ZAN: variants seen among roughly 807,000 people sequenced by gnomAD.
ZAN encodes the protein zonadhesin.
A neutral mutation model predicts 286.2 loss-of-function variants in ZAN; 260 were observed. The observed-to-expected ratio is 0.91, with a 90% CI of 0.82 to 1.01. The LOEUF (loss-of-function observed/expected upper bound fraction) is 1.01. Ranked by LOEUF, ZAN falls within the 50% of genes least tolerant of loss-of-function variation. The probability of loss-of-function intolerance (pLI) is 0.00; values close to 1 mark genes in which losing one functional copy is unlikely to be tolerated. For missense variants in ZAN, 3,410 were observed against 3,639.2 expected (o/e 0.94, Z 1.62); for synonymous variants, 1,368 against 1,417.5 (o/e 0.97, Z 0.79).
At chr7:100,788,658 G>A (rs1447792446) in intron 38 of ZAN, among the ~76,000 whole-genome samples, 1 of 152,106 alleles carries the variant, frequency 6.6e-6, no homozygotes, top group African/African-American at 2.4e-5. Flanking sequence ...GGTGTGTGAA[G>A]GTCAATCCTG....
chr7:100,775,430 GCCACCCCGCCATGGC>G lies in ZAN; in HGVS notation c.5884_5898del (p.His1962_Ala1966del). 6.2e-7 allele frequency: 1 copy of G among 1,613,944 alleles called. No individual in the cohort carries two copies. The highest frequency in any genetic ancestry group is 8.5e-7 in the Non-Finnish European group (1 of 1,179,888). On this transcript the variant is annotated inframe_deletion, in exon 32 of 48. Transcript: ENST00000613979. ...TGCACTCTTGTCCTGGTGAAAGTGT[GCCACCCCGCCATGGC>G]CTTGCCCTTCTTCAAGATCAGTGCC...
intron 40 of ZAN, 77 bp downstream of exon 40, chr7:100,791,190 C>T: frequency 4.0e-6 from 6 of 1,507,752 alleles, no homozygotes; most frequent in Non-Finnish European, 5.3e-6. Context: ...CCCTCCTGTC[C>T]TCAGGAGAGG....
At chr7:100,765,247 G>C (rs768903831) in intron 22 of ZAN, 105 bp from the exon 23 acceptor site, 1 of 1,286,518 alleles carries the variant, frequency 7.8e-7, no homozygotes, top group Non-Finnish European at 1.1e-6. Flanking sequence ...CTCGAGATTG[G>C]CCAGAAGCCT....
At chr7:100,766,923 A>T in intron 24 of ZAN, 87 bp from the exon 25 acceptor site, 1 of 1,571,554 alleles carries the variant, frequency 6.4e-7, no homozygotes, top group South Asian at 1.2e-5. Context: ...GACCATGCCA[A>T]TGTGGGCTCT....
At chr7:100,791,219 G>A (rs1010969419) in intron 40 of ZAN, 106 bp downstream of exon 40, 1 of 1,394,716 alleles carries the variant, frequency 7.2e-7, no homozygotes, top group Admixed American at 2.2e-5. Flanking sequence ...CCAGGGAGAG[G>A]GTGCAGATAG....
At chr7:100,757,440 G>C (rs1809223092) in intron 15 of ZAN, among the ~76,000 whole-genome samples, 1 of 152,132 alleles carries the variant, frequency 6.6e-6, no homozygotes, top group Non-Finnish European at 1.5e-5. Flanking sequence ...AGCACTCATG[G>C]GAGGGCTAAG....
Position 100,752,173 on chromosome 7 carries a change from A to G in ZAN, c.2068A>G (p.Ser690Gly). The change falls in exon 14 of 48, where the codon AGC (serine) becomes GGC (glycine). Residue 690 changes from serine (S) to glycine (G), a missense_variant. Coordinates refer to ENST00000613979, the MANE Select transcript of ZAN (RefSeq NM_003386.3). ...ACCCAGCATCCCTACAGAAAAACCC[A>G]GCATCCCCACGGAAAAACCCACCAT... ...EKPSIPTEKP[S>G]IPTEKPTISM... 6.2e-7 allele frequency: 1 copy of G among 1,612,220 alleles called. No individual in the cohort carries two copies.
rs1420160102 is a variant in ZAN at position 100,751,173 on chromosome 7, C to T, written c.1522-9C>T. 9 of 1,592,188 alleles carry T rather than the reference C, an allele frequency of 5.7e-6. No individual in the cohort carries two copies. The highest frequency in any genetic ancestry group is 3.7e-5 in the Admixed American group (2 of 54,656). On this transcript the variant is annotated splice_polypyrimidine_tract_variant and intron_variant, in intron 12 of 47. Transcript: ENST00000613979. ...TTCTCTCTCCGTCTCTCTCCCTTGT[C>T]GCCTTTAGCTTATTTTCAAGGGCAT...
intron 39 of ZAN, 136 bp from the exon 40 acceptor site, chr7:100,790,806 C>A: frequency 1.0e-6 from 1 of 952,840 alleles, no homozygotes; most frequent in Non-Finnish European, 1.5e-6. Flanking sequence ...TTGCTTGAAA[C>A]CAGGAGGCGG....
chr7:100,766,306 T>C (rs990306659), intron 23 of ZAN, among the ~76,000 whole-genome samples: 1 of 151,962 alleles, frequency 6.6e-6, no homozygotes, highest in Non-Finnish European at 1.5e-5. Context: ...TCAATTTTGG[T>C]TGAAATGATG....
chr7:100,752,124 A>G lies in ZAN; in HGVS notation c.2019A>G (p.Glu673=). The stretch of plus-strand genomic sequence containing the variant: ...CTGAGGAGACCACCACCTCCATGGA[A>G]GAGCCTGTCATCCCTACAGAAAAAC... ...TPTEETTTSM[E]EPVIPTEKPS... Residue 673 remains glutamate (E), a synonymous_variant, in exon 14 of 48, where the codon GAA becomes GAG. Coordinates refer to ENST00000613979, the MANE Select transcript of ZAN (RefSeq NM_003386.3). The G allele has an allele frequency of 6.2e-7, 1 of 1,612,024 alleles. No individual in the cohort carries two copies. Among genetic ancestry groups the G allele is most frequent in the Non-Finnish European group, 8.5e-7 (1 of 1,179,372 alleles).
intron 19 of ZAN, 27 bp downstream of exon 19, chr7:100,760,563 T>C (rs1809492504): frequency 6.2e-7 from 1 of 1,609,500 alleles, no homozygotes; most frequent in Non-Finnish European, 8.5e-7. Flanking sequence ...GCCAGGCAGC[T>C]GCCACTTCTT....
chr7:100,792,379 C>A, intron 41 of ZAN, 26 bp from the exon 42 acceptor site: 1 of 1,582,882 alleles, frequency 6.3e-7, no homozygotes, highest in Non-Finnish European at 8.6e-7. Flanking sequence ...ACTGACTGTG[C>A]CCTTCCTGCC....
intron 37 of ZAN, 112 bp downstream of exon 37, chr7:100,786,253 G>T: frequency 3.4e-6 from 5 of 1,482,154 alleles, no homozygotes; most frequent in Non-Finnish European, 4.5e-6. Context: ...ACAGTCAGGG[G>T]TTGGGGCGGG....
chr7:100,748,360 A>G lies in ZAN; in HGVS notation c.1139A>G (p.His380Arg), dbSNP rs1808378615. The G allele has an allele frequency of 1.9e-6, 3 of 1,614,006 alleles. No homozygotes were observed. In the East Asian group the frequency reaches 6.7e-5, roughly 36 times the overall value. The change falls in exon 11 of 48, where the codon CAT becomes CGT. Residue 380 changes from histidine (H) to arginine (R), a missense_variant. By Grantham distance (29) the His-to-Arg change is conservative (BLOSUM62 0). Transcript: ENST00000613979. ...CAGTGTGACTTTGAAGACAACGCCCATCCCTTCTGTGACTGGGTCCAGACT... is the reference window on the plus strand; with the variant it reads ...CAGTGTGACTTTGAAGACAACGCCCGTCCCTTCTGTGACTGGGTCCAGACT... ...FPQCDFEDNA[H>R]PFCDWVQTSG...
At chr7:100,795,062 A>C (rs992883198) in intron 44 of ZAN, 134 bp from the exon 45 acceptor site, 1 of 1,162,620 alleles carries the variant, frequency 8.6e-7, no homozygotes. Context: ...GTTGGGAGCC[A>C]GGCTGGCTGA....
Position 100,734,234 on chromosome 7 carries a change from CA to C in ZAN, c.53+14del, listed in dbSNP as rs1807144172. On this transcript the variant is annotated intron_variant, in intron 2 of 47. Coordinates refer to ENST00000613979, the MANE Select transcript of ZAN (RefSeq NM_003386.3). Reference sequence around the variant, plus strand: ...CTGCCCTTTTCAGGTAAGCTGGGCCCAGGGGGTAATGATAAACCAGGGTCAG... The same window carrying C: ...CTGCCCTTTTCAGGTAAGCTGGGCCCGGGGGTAATGATAAACCAGGGTCAG... The C allele has an allele frequency of 7.0e-7, 1 of 1,428,900 alleles. No homozygotes were observed. Among genetic ancestry groups the C allele is most frequent in the African/African-American group, 1.5e-5 (1 of 67,852 alleles). 88.5% of individuals were successfully genotyped at this position (1,428,900 alleles called of 1,614,324 possible).
rs1486628128 is a variant in ZAN at position 100,772,869 on chromosome 7, T to C, written c.5426-416T>C. On this transcript the variant is annotated intron_variant, in intron 29 of 47. Coordinates refer to ENST00000613979, the MANE Select transcript of ZAN (RefSeq NM_003386.3). ...GTAGATTTTATGTCTGTTTTTTTTT[T>C]GTTTGTTTTTTTTTTTTTTTGCTTT... Among the ~76,000 whole-genome samples, 5 of 145,036 alleles carry C rather than the reference T, an allele frequency of 3.4e-5. No individual in the cohort carries two copies. In the Middle Eastern group the frequency reaches 0.01, roughly 304 times the overall value.
At position 100,797,709 on chromosome 7, in the gene ZAN, A is replaced by T; in HGVS notation, c.8416A>T (p.Thr2806Ser). ...TGGTTTTCTTGCTTTCTCCTCAGATACTGTTCTGGACTGTGCCTGTTAAGT... is the reference window on the plus strand; with the variant it reads ...TGGTTTTCTTGCTTTCTCCTCAGATTCTGTTCTGGACTGTGCCTGTTAAGT... ...DRLARLVDTD[T>S]VLDCAC Residue 2806 changes from threonine to serine, a missense_variant and splice_region_variant, in exon 48 of 48, where the codon ACT (threonine) becomes TCT (serine). Transcript: ENST00000613979. The T allele has an allele frequency of 6.2e-7, 1 of 1,613,964 alleles. No homozygotes were observed. Among genetic ancestry groups the T allele is most frequent in the Middle Eastern group, 1.7e-4 (1 of 6,056 alleles).
Sources: gnomAD v4.1 joint callset for allele counts (sites outside exome capture counted in the v4.1 genomes callset) on GRCh38, gnomAD v4.1.1 for gene constraint, MANE v1.5 for transcripts, NCBI Gene and HGNC (gene_info 2026-07-23, HGNC 2026-07-21) for gene names.